Variants in GPHN observed in about 807,000 individuals in gnomAD.
GPHN encodes gephyrin.
In GPHN, 17 loss-of-function variants were observed where a neutral mutation model predicts 95.5. That is an observed-to-expected ratio of 0.18 (90% CI 0.12 to 0.27). GPHN has a LOEUF of 0.27. Ranked by LOEUF, GPHN falls within the 10% of genes least tolerant of loss-of-function variation. GPHN has a pLI of 1.00. For synonymous variants in GPHN, 320 were observed against 322.5 expected (o/e 0.99, Z 0.08); for missense variants, 660 against 978.1 (o/e 0.67, Z 4.34).
chr14:66,602,694 G>A (rs1376734366), intron 1 of GPHN, among the ~76,000 whole-genome samples: 1 of 151,780 alleles, frequency 6.6e-6, no homozygotes, highest in African/African-American at 2.4e-5. Context: ...CTCTGATTAG[G>A]TAGTAGGGAA....
chr14:67,154,700 T>A (rs932149408), intron 18 of GPHN, among the ~76,000 whole-genome samples: 2 of 152,142 alleles, frequency 1.3e-5, no homozygotes, highest in Non-Finnish European at 2.9e-5. Flanking sequence ...ATCAAAGCAG[T>A]TGCTCTATAA....
the GPHN span, chr14:67,650,701 C>T: frequency 6.2e-7 from 1 of 1,612,900 alleles, no homozygotes; most frequent in Non-Finnish European, 8.5e-7. Context: ...TTTTGTCACA[C>T]TTTGTTCTTC....
At chr14:66,560,862 G>T (rs1293116241) in intron 1 of GPHN, among the ~76,000 whole-genome samples, 2 of 152,156 alleles carry the variant, frequency 1.3e-5, no homozygotes, top group Non-Finnish European at 1.5e-5. Context: ...CATTCGGTAT[G>T]ATATCAGCTG....
At chr14:66,916,610 C>G (rs539702353) in intron 6 of GPHN, among the ~76,000 whole-genome samples, 101 of 148,916 alleles carry the variant, frequency 6.8e-4, no homozygotes, top group African/African-American at 2.3e-3. Flanking sequence ...TAGCATTAGT[C>G]TCCAGTATGT....
At chr14:67,249,005 C>T in the GPHN span, among the ~76,000 whole-genome samples, 30 of 151,572 alleles carry the variant, frequency 2.0e-4, no homozygotes, top group Non-Finnish European at 3.1e-4. Context: ...CTCTGTCCCC[C>T]AGGCTGGAGT....
At chr14:67,659,885 A>T in the GPHN span, 1 of 1,614,152 alleles carries the variant, frequency 6.2e-7, no homozygotes, top group South Asian at 1.1e-5. Flanking sequence ...TCGGAAAGAC[A>T]GGGGTGCATA....
At chr14:66,748,801 G>A (rs796489029) in intron 2 of GPHN, among the ~76,000 whole-genome samples, 2 of 151,816 alleles carry the variant, frequency 1.3e-5, no homozygotes, top group South Asian at 4.2e-4. Context: ...AATAATTTTA[G>A]GCATGAAGCA....
chr14:67,505,904 T>C, the GPHN span, among the ~76,000 whole-genome samples: 2 of 152,154 alleles, frequency 1.3e-5, no homozygotes, highest in Non-Finnish European at 2.9e-5. Flanking sequence ...TTCCACCATG[T>C]TGGCCAGGCT....
intron 1 of GPHN, among the ~76,000 whole-genome samples, chr14:66,625,642 T>C (rs1418805758): frequency 6.6e-6 from 1 of 152,188 alleles, no homozygotes; most frequent in Non-Finnish European, 1.5e-5. Context: ...CCAATGCCTG[T>C]TTGTAATAAT....
the GPHN span, among the ~76,000 whole-genome samples, chr14:67,265,477 G>T: frequency 2.0e-5 from 3 of 152,138 alleles, no homozygotes; most frequent in African/African-American, 4.8e-5. Context: ...GGTTGCATGA[G>T]CCAGGAGTTT....
At chr14:67,095,304 T>C (rs537985508) in intron 12 of GPHN, among the ~76,000 whole-genome samples, 1 of 152,266 alleles carries the variant, frequency 6.6e-6, no homozygotes, top group East Asian at 1.9e-4. Flanking sequence ...CATCAGCTTG[T>C]TAGAATTTAG....
chr14:66,921,585 C>T (rs1307942527), intron 6 of GPHN, among the ~76,000 whole-genome samples: 2 of 152,046 alleles, frequency 1.3e-5, no homozygotes, highest in East Asian at 3.9e-4. Context: ...GTAAACATAT[C>T]CCATGCTCAC....
chr14:66,558,186 G>A (rs2060084897), intron 1 of GPHN, among the ~76,000 whole-genome samples: 1 of 152,050 alleles, frequency 6.6e-6, no homozygotes, highest in Non-Finnish European at 1.5e-5. Flanking sequence ...CTTTACCACA[G>A]TAGGCTAGTA....
the GPHN span, among the ~76,000 whole-genome samples, chr14:67,560,338 C>T: frequency 6.6e-6 from 1 of 152,184 alleles, no homozygotes; most frequent in Non-Finnish European, 1.5e-5. Flanking sequence ...CTTTCTCTTC[C>T]ATCCTCTTCA....
At chr14:66,618,891 T>C (rs904610644) in intron 1 of GPHN, among the ~76,000 whole-genome samples, 5 of 152,198 alleles carry the variant, frequency 3.3e-5, no homozygotes, top group African/African-American at 9.6e-5. Flanking sequence ...CCCCTCAATT[T>C]TTTTGTGATT....
intron 1 of GPHN, among the ~76,000 whole-genome samples, chr14:66,621,777 C>T (rs201711978): frequency 6.6e-5 from 10 of 152,158 alleles, no homozygotes; most frequent in East Asian, 1.9e-4. Context: ...ATCTCATGTC[C>T]GGGTCATGCT....
chr14:66,738,309 C>T (rs182198641), intron 2 of GPHN, among the ~76,000 whole-genome samples: 3 of 152,234 alleles, frequency 2.0e-5, no homozygotes, highest in Admixed American at 2.0e-4. Flanking sequence ...TCTTCTTACC[C>T]TAAAATAGTT....
At chr14:67,426,128 A>G in the GPHN span, among the ~76,000 whole-genome samples, 1 of 151,958 alleles carries the variant, frequency 6.6e-6, no homozygotes, top group Non-Finnish European at 1.5e-5. Context: ...AACCCAAAAC[A>G]CACCCAGTAT....
chr14:67,077,190 C>T (rs2076528014), intron 11 of GPHN, among the ~76,000 whole-genome samples: 1 of 152,042 alleles, frequency 6.6e-6, no homozygotes, highest in Admixed American at 6.6e-5. Context: ...GTAAAACCAT[C>T]ACAATTTCAA....
Sources: allele counts gnomAD v4.1 joint callset (sites outside exome capture counted in the v4.1 genomes callset), GRCh38; gene constraint gnomAD v4.1.1; transcripts MANE v1.5; gene names NCBI Gene and HGNC (gene_info 2026-07-23, HGNC 2026-07-21).